CDH2: variants seen among roughly 807,000 people sequenced by gnomAD.
The protein encoded by CDH2 is cadherin 2, also known as cadherin-2.
In CDH2, 17 loss-of-function variants were observed where a neutral mutation model predicts 92.0. The observed-to-expected ratio is 0.18, with a 90% CI of 0.13 to 0.28. The LOEUF is 0.28. Ranked by LOEUF, CDH2 falls within the 10% of genes least tolerant of loss-of-function variation. CDH2 has a pLI of 1.00. For missense variants in CDH2, 862 were observed against 1,133.1 expected, an observed-to-expected ratio of 0.76 and a Z score of 3.44; for synonymous variants, 419 against 415.9, an observed-to-expected ratio of 1.01 and a Z score of -0.09.
intron 6 of CDH2, among the ~76,000 whole-genome samples, chr18:27,938,429 A>G (rs1001199655): frequency 1.5e-4 from 23 of 152,164 alleles, no homozygotes; most frequent in African/African-American, 5.5e-4. Flanking sequence ...GTTTGTCCTC[A>G]TACACTTGTA....
At chr18:28,079,395 T>C (rs2014784421) in intron 2 of CDH2, among the ~76,000 whole-genome samples, 1 of 152,198 alleles carries the variant, frequency 6.6e-6, no homozygotes, top group African/African-American at 2.4e-5. Flanking sequence ...GTGTGGGTCT[T>C]AGTCCTGTCT....
chr18:27,955,369 T>TAAAAAAAAAAA (rs760993428), intron 15 of CDH2, among the ~76,000 whole-genome samples: 3 of 30,966 alleles, frequency 9.7e-5, no homozygotes, highest in East Asian at 6.5e-4. Flanking sequence ...AGTATAATAG[T>TAAAAAAAAAAA]AAAAAAAAAA....
At chr18:28,062,991 A>G (rs1415579585) in intron 2 of CDH2, among the ~76,000 whole-genome samples, 2 of 152,136 alleles carry the variant, frequency 1.3e-5, no homozygotes, top group African/African-American at 4.8e-5. Flanking sequence ...ACATTTCATA[A>G]AAGCCTAATA....
At chr18:28,107,488 T>C (rs1342182793) in intron 2 of CDH2, among the ~76,000 whole-genome samples, 1 of 151,948 alleles carries the variant, frequency 6.6e-6, no homozygotes, top group African/African-American at 2.4e-5. Context: ...TAATAAAAAG[T>C]CCAATGTAGA....
intron 2 of CDH2, among the ~76,000 whole-genome samples, chr18:28,054,549 CAAACTAAA>C (rs2014255062): frequency 6.6e-6 from 1 of 152,090 alleles, no homozygotes; most frequent in African/African-American, 2.4e-5. Flanking sequence ...CATGATGTTC[CAAACTAAA>C]AAACTCTGTG....
At chr18:27,972,780 G>T (rs907316672) in intron 14 of CDH2, among the ~76,000 whole-genome samples, 1 of 152,136 alleles carries the variant, frequency 6.6e-6, no homozygotes, top group Non-Finnish European at 1.5e-5. Context: ...AAATAAGTAT[G>T]ACAAGTCCTT....
intron 2 of CDH2, among the ~76,000 whole-genome samples, chr18:28,023,849 G>A (rs1007553232): frequency 6.6e-6 from 1 of 152,018 alleles, no homozygotes; most frequent in Admixed American, 6.6e-5. Flanking sequence ...TGCCCTCACT[G>A]CCTGTTCTGA....
At chr18:28,097,807 T>G (rs961642822) in intron 2 of CDH2, among the ~76,000 whole-genome samples, 2 of 152,164 alleles carry the variant, frequency 1.3e-5, no homozygotes, top group African/African-American at 4.8e-5. Context: ...TATTTAAAAA[T>G]GTACTATAAA....
In CDH2 at chr18:27,952,349, G is replaced by A. The variant is rs370333144; in HGVS notation, c.2525C>T (p.Ala842Val). The change falls in exon 16 of 16, where the codon GCG becomes GTG. Residue 842 changes from alanine to valine, a missense_variant. Around this residue, in one of 5 missense-constraint regions of CDH2, gnomAD observed 114 missense variants for 144.8 expected, o/e 0.79. Coordinates refer to ENST00000269141, the MANE Select transcript of CDH2 (RefSeq NM_001792.5). ...TGGAGCTGTGGGGTCATTGTCAGCCGCTTTAAGGCCCTGCAATTTGGAAAC... is the reference window on the plus strand; with the variant it reads ...TGGAGCTGTGGGGTCATTGTCAGCCACTTTAAGGCCCTGCAATTTGGAAAC... ...IGDFINEGLK[A>V]ADNDPTAPPY... The A allele has an allele frequency of 9.9e-6, 16 of 1,613,070 alleles. No homozygotes were observed. The highest frequency in any genetic ancestry group is 5.0e-5 in the Admixed American group (3 of 59,872).
chr18:28,057,717 A>G (rs1286579357), intron 2 of CDH2, among the ~76,000 whole-genome samples: 1 of 152,156 alleles, frequency 6.6e-6, no homozygotes, highest in Non-Finnish European at 1.5e-5. Context: ...TCAAGGTCAA[A>G]TTACCTATGA....
At chr18:28,157,645 A>C (rs552204919) in intron 1 of CDH2, among the ~76,000 whole-genome samples, 34 of 152,342 alleles carry the variant, frequency 2.2e-4, no homozygotes, top group Non-Finnish European at 4.9e-4. Context: ...TAAGGGCTGG[A>C]AACTGTCCTA....
intron 2 of CDH2, among the ~76,000 whole-genome samples, chr18:28,144,434 T>C (rs1012664035): frequency 6.6e-6 from 1 of 151,834 alleles, no homozygotes; most frequent in South Asian, 2.1e-4. Context: ...GTGATGAGGA[T>C]ATTGAAAAGA....
intron 1 of CDH2, among the ~76,000 whole-genome samples, chr18:28,158,476 G>A (rs1254455460): frequency 3.9e-5 from 6 of 152,194 alleles, no homozygotes; most frequent in Non-Finnish European, 8.8e-5. Flanking sequence ...CATCTGGATA[G>A]TTTCACAGTG....
At chr18:28,018,665 AT>A (rs541322883) in intron 2 of CDH2, among the ~76,000 whole-genome samples, 101 of 152,098 alleles carry the variant, frequency 6.6e-4, no homozygotes, top group East Asian at 3.1e-3. Flanking sequence ...AATAAAAAAA[AT>A]AATAGATGTT....
chr18:28,088,120 A>C (rs1316756974), intron 2 of CDH2, among the ~76,000 whole-genome samples: 1 of 152,236 alleles, frequency 6.6e-6, no homozygotes, highest in Admixed American at 6.5e-5. Flanking sequence ...TTGATTAATC[A>C]GGCTTAATGG....
Position 27,988,694 on chromosome 18 carries a change from C to G in CDH2, c.1599-28G>C, listed in dbSNP as rs748504539. ...ACAAAATGAAAGTGAAGTTTAATTT[C>G]TTTTTATGAAACTTTAAAAAAACAT... On this transcript the variant is annotated intron_variant, in intron 10 of 15. Coordinates refer to ENST00000269141, the MANE Select transcript of CDH2 (RefSeq NM_001792.5). 5 of 1,525,650 alleles carry G rather than the reference C, an allele frequency of 3.3e-6. No individual in the cohort carries two copies. In the East Asian group the frequency reaches 1.1e-4, roughly 34 times the overall value. The allele number at this position is 1,525,650 out of a possible 1,614,324, so 94.5% of individuals were successfully genotyped here.
intron 15 of CDH2, among the ~76,000 whole-genome samples, chr18:27,959,175 C>T (rs1000997907): frequency 2.6e-5 from 4 of 152,150 alleles, no homozygotes; most frequent in Non-Finnish European, 5.9e-5. Context: ...GAACTTTTCA[C>T]TCCCTGAAGG....
chr18:28,005,817 A>C (rs1204219980), intron 6 of CDH2, 32 bp downstream of exon 6: 1 of 1,566,780 alleles, frequency 6.4e-7, no homozygotes, highest in East Asian at 2.3e-5. Context: ...ACTTTCCTCA[A>C]GTCATCTTCA....
intron 14 of CDH2, among the ~76,000 whole-genome samples, chr18:27,971,596 C>T (rs2011661586): frequency 6.6e-6 from 1 of 152,152 alleles, no homozygotes; most frequent in Admixed American, 6.5e-5. Flanking sequence ...CATGCTTTTA[C>T]AGCCCACTAA....
Sources: allele counts gnomAD v4.1 joint callset (sites outside exome capture counted in the v4.1 genomes callset), GRCh38; gene constraint gnomAD v4.1.1; regional missense constraint gnomAD v4.1.1; transcripts MANE v1.5; gene names NCBI Gene and HGNC (gene_info 2026-07-23, HGNC 2026-07-21).